The following PDE4D variants were observed in gnomAD, a reference collection of about 807,000 sequenced individuals.
The protein encoded by PDE4D is phosphodiesterase 4D.
Under a neutral mutation model 87.4 loss-of-function variants are expected in PDE4D, and 24 were observed. The observed-to-expected ratio is 0.27, with a 90% CI of 0.20 to 0.39. PDE4D has a LOEUF of 0.39. Ranked by LOEUF, PDE4D falls within the 10% of genes least tolerant of loss-of-function variation. PDE4D has a pLI of 1.00. For synonymous variants in PDE4D, 384 were observed against 383.2 expected (o/e 1.00, Z -0.02); for missense variants, 714 against 1,041.0 (o/e 0.69, Z 4.32).
At chr5:59,267,076 T>C (rs1359975776) in intron 1 of PDE4D, among the ~76,000 whole-genome samples, 5 of 152,076 alleles carry the variant, frequency 3.3e-5, no homozygotes, top group East Asian at 1.9e-4. Context: ...ACTATGACTA[T>C]AGACCTAGAA....
intron 1 of PDE4D, among the ~76,000 whole-genome samples, chr5:60,400,809 G>A (rs906535592): frequency 1.3e-5 from 2 of 152,076 alleles, no homozygotes; most frequent in South Asian, 2.1e-4. Flanking sequence ...GCAGGCACCT[G>A]TAATCCTAGC....
intron 3 of PDE4D, among the ~76,000 whole-genome samples, chr5:59,912,325 A>T (rs1458202897): frequency 6.6e-6 from 1 of 152,234 alleles, no homozygotes. Context: ...ATTTTAATGT[A>T]ACTCACCTTA....
intron 1 of PDE4D, among the ~76,000 whole-genome samples, chr5:59,387,490 C>A (rs933480087): frequency 6.6e-6 from 1 of 151,974 alleles, no homozygotes; most frequent in Non-Finnish European, 1.5e-5. Context: ...TATGAAGGGA[C>A]ATGATTTCTC....
At chr5:60,207,815 C>A (rs935284820) in intron 1 of PDE4D, among the ~76,000 whole-genome samples, 1 of 152,148 alleles carries the variant, frequency 6.6e-6, no homozygotes, top group African/African-American at 2.4e-5. Context: ...AATCAATGGT[C>A]TGCTCTTATT....
intron 2 of PDE4D, among the ~76,000 whole-genome samples, chr5:60,038,387 T>C (rs374700192): frequency 1.1e-4 from 16 of 152,162 alleles, no homozygotes; most frequent in African/African-American, 3.9e-4. Context: ...AGGGAATCCT[T>C]TCCCCATTGC....
At chr5:59,159,980 G>A (rs1006550605) in intron 5 of PDE4D, among the ~76,000 whole-genome samples, 1 of 152,182 alleles carries the variant, frequency 6.6e-6, no homozygotes, top group Admixed American at 6.5e-5. Flanking sequence ...GCTCCTAAGT[G>A]CATTTGTGAA....
At chr5:60,026,196 T>C (rs1381633326) in intron 2 of PDE4D, among the ~76,000 whole-genome samples, 1 of 152,196 alleles carries the variant, frequency 6.6e-6, no homozygotes, top group African/African-American at 2.4e-5. Flanking sequence ...ATTTCTTCAT[T>C]GAAAATGTCC....
At chr5:59,467,091 G>A (rs562257402) in intron 1 of PDE4D, among the ~76,000 whole-genome samples, 60 of 152,212 alleles carry the variant, frequency 3.9e-4, no homozygotes, top group African/African-American at 1.4e-3. Flanking sequence ...ATAGAGAGAA[G>A]TCAGCCATCT....
chr5:59,677,163 A>G (rs1748233325), intron 1 of PDE4D, among the ~76,000 whole-genome samples: 1 of 152,094 alleles, frequency 6.6e-6, no homozygotes, highest in Admixed American at 6.5e-5. Context: ...TTGTATATAT[A>G]CCCACAGAAA....
At chr5:59,014,135 T>C (rs1468372513) in intron 6 of PDE4D, among the ~76,000 whole-genome samples, 2 of 152,178 alleles carry the variant, frequency 1.3e-5, no homozygotes, top group African/African-American at 4.8e-5. Context: ...TCGGTATTGA[T>C]GGGATGTATC....
At position 60,412,553 on chromosome 5, in the gene PDE4D, C is replaced by T. The variant is rs145438099; in HGVS notation, c.-90+75389G>A. 2.4e-4 allele frequency among the ~76,000 whole-genome samples: 37 copies of T among 152,182 alleles called. No homozygotes were observed. The East Asian group carries it at 5.8e-3, about 24-fold the overall frequency. On this transcript the variant is annotated intron_variant, in intron 1 of 16. Coordinates refer to the PDE4D transcript ENST00000502484. Reference sequence around the variant, plus strand: ...TTTTTCTCAAATCATCCTCGTTCTTCGATGCTTAGTTCAAACCCTGCATGT... The same window carrying T: ...TTTTTCTCAAATCATCCTCGTTCTTTGATGCTTAGTTCAAACCCTGCATGT...
intron 2 of PDE4D, among the ~76,000 whole-genome samples, chr5:60,015,956 C>T (rs1006481542): frequency 4.0e-5 from 6 of 150,700 alleles, no homozygotes; most frequent in Admixed American, 2.6e-4. Flanking sequence ...GGCACGATCT[C>T]GGCTCACTGC....
At chr5:60,130,113 C>A (rs1368766409) in intron 2 of PDE4D, among the ~76,000 whole-genome samples, 1 of 152,144 alleles carries the variant, frequency 6.6e-6, no homozygotes, top group Admixed American at 6.5e-5. Flanking sequence ...TCATCAGACA[C>A]CAAATTTGCT....
intron 1 of PDE4D, among the ~76,000 whole-genome samples, chr5:60,428,884 G>A (rs1743950218): frequency 6.6e-6 from 1 of 152,164 alleles, no homozygotes; most frequent in Non-Finnish European, 1.5e-5. Context: ...AAGTCATGCT[G>A]AGAACCAGAA....
At chr5:60,405,868 G>A (rs188483380) in intron 1 of PDE4D, among the ~76,000 whole-genome samples, 4 of 152,234 alleles carry the variant, frequency 2.6e-5, no homozygotes, top group South Asian at 4.2e-4. Context: ...AACATAGAAC[G>A]TGGACTCAAA....
intron 2 of PDE4D, among the ~76,000 whole-genome samples, chr5:60,043,123 A>C (rs2152869987): frequency 6.6e-6 from 1 of 151,878 alleles, no homozygotes; most frequent in East Asian, 2.0e-4. Flanking sequence ...GAGCTGAAAA[A>C]CCCAGCACAA....
intron 1 of PDE4D, among the ~76,000 whole-genome samples, chr5:59,454,336 G>C (rs1278596832): frequency 6.6e-6 from 1 of 152,110 alleles, no homozygotes. Flanking sequence ...TGAATTATGG[G>C]GGACAGGTCT....
intron 1 of PDE4D, among the ~76,000 whole-genome samples, chr5:59,359,380 A>G (rs1781865394): frequency 6.6e-6 from 1 of 152,106 alleles, no homozygotes; most frequent in Non-Finnish European, 1.5e-5. Context: ...TATTAATATT[A>G]TTTTTTCTTA....
chr5:59,954,849 A>G (rs1340123308), intron 3 of PDE4D, among the ~76,000 whole-genome samples: 1 of 152,230 alleles, frequency 6.6e-6, no homozygotes, highest in African/African-American at 2.4e-5. Context: ...CGATGTAATA[A>G]GTGCACAAAC....
Sources: allele counts gnomAD v4.1 joint callset (sites outside exome capture counted in the v4.1 genomes callset), GRCh38; gene constraint gnomAD v4.1.1; transcripts MANE v1.5; gene names NCBI Gene and HGNC (gene_info 2026-07-23, HGNC 2026-07-21).